WNT7B: variants seen among roughly 807,000 people sequenced by gnomAD.
WNT7B encodes the protein Wnt family member 7B.
A neutral mutation model predicts 38.2 loss-of-function variants in WNT7B; 19 were observed. The ratio of observed to expected loss-of-function variants is 0.50; its 90% CI spans 0.35 to 0.73. The LOEUF (loss-of-function observed/expected upper bound fraction) is 0.73. Ranked by LOEUF, WNT7B falls within the 30% of genes least tolerant of loss-of-function variation. The probability of loss-of-function intolerance (pLI) is 0.01; values close to 1 mark genes in which losing one functional copy is unlikely to be tolerated. For synonymous variants in WNT7B, 243 were observed against 209.3 expected (o/e 1.16, Z -1.39); for missense variants, 423 against 507.9 (o/e 0.83, Z 1.61).
At chr22:45,956,096 G>A (rs965867240) in intron 1 of WNT7B, among the ~76,000 whole-genome samples, 2 of 152,210 alleles carry the variant, frequency 1.3e-5, no homozygotes, top group Non-Finnish European at 2.9e-5. Flanking sequence ...AGCAGGAGTG[G>A]ACAGAAGGCA....
At chr22:45,970,363 G>A (rs918975996) in intron 1 of WNT7B, among the ~76,000 whole-genome samples, 3 of 152,236 alleles carry the variant, frequency 2.0e-5, no homozygotes, top group African/African-American at 7.2e-5. Flanking sequence ...GCCTGGCGGG[G>A]GTAGTCACTG....
chr22:45,927,910 G>C (rs555269512), intron 3 of WNT7B, among the ~76,000 whole-genome samples: 3 of 152,334 alleles, frequency 2.0e-5, no homozygotes, highest in East Asian at 3.9e-4. Flanking sequence ...CAAAGAGATG[G>C]AAGAGAAGAC....
chr22:45,954,730 C>T (rs933485774), intron 1 of WNT7B: 1 of 985,266 alleles, frequency 1.0e-6, no homozygotes, highest in Non-Finnish European at 1.2e-6. Flanking sequence ...GAAACAATTT[C>T]AAAATTGTCT....
intron 3 of WNT7B, among the ~76,000 whole-genome samples, chr22:45,924,967 G>T (rs1931036602): frequency 6.7e-6 from 1 of 149,532 alleles, no homozygotes; most frequent in Admixed American, 6.6e-5. Flanking sequence ...GTGCTGGGTG[G>T]GCCCTAGGCT....
At chr22:45,954,689 G>A (rs1569121087) in intron 1 of WNT7B, 2 of 985,362 alleles carry the variant, frequency 2.0e-6, no homozygotes, top group African/African-American at 3.5e-5. Context: ...TGTGCCAGGA[G>A]TATAAATAGT....
chr22:45,925,540 C>T, intron 3 of WNT7B: 1 of 985,258 alleles, frequency 1.0e-6, no homozygotes, highest in Admixed American at 6.1e-5. Context: ...CTGGGCGACC[C>T]CCAGAGAGTA....
At chr22:45,972,130 C>T in intron 1 of WNT7B, 1 of 604,872 alleles carries the variant, frequency 1.7e-6, no homozygotes, top group Non-Finnish European at 3.0e-6. Flanking sequence ...ACCCGCCCAC[C>T]CCGCACGCCG....
intron 3 of WNT7B, among the ~76,000 whole-genome samples, chr22:45,928,650 G>A (rs1013470711): frequency 1.2e-5 from 1 of 85,720 alleles, no homozygotes; most frequent in Non-Finnish European, 2.5e-5. Flanking sequence ...TTTCCCTTCT[G>A]CCTTTCCATC....
chr22:45,955,225 C>G (rs550831448), intron 1 of WNT7B, among the ~76,000 whole-genome samples: 1 of 152,222 alleles, frequency 6.6e-6, no homozygotes, highest in Non-Finnish European at 1.5e-5. Flanking sequence ...GCCGGCCTGG[C>G]CCTGCCACAC....
At chr22:45,923,550 G>A (rs1471508185) in intron 3 of WNT7B, among the ~76,000 whole-genome samples, 2 of 152,206 alleles carry the variant, frequency 1.3e-5, no homozygotes, top group Non-Finnish European at 2.9e-5. Flanking sequence ...GGTTGTGAGG[G>A]TACAGTGAGA....
chr22:45,960,994 C>T (rs576895474), intron 1 of WNT7B, among the ~76,000 whole-genome samples: 22 of 152,128 alleles, frequency 1.4e-4, no homozygotes, highest in Non-Finnish European at 2.4e-4. Context: ...TTCAGCAGAC[C>T]CCATGAGCCA....
chr22:45,929,931 CCCACTCATCCTTCCATCCAT>C (rs992377985), intron 3 of WNT7B, among the ~76,000 whole-genome samples: 13 of 97,464 alleles, frequency 1.3e-4, no homozygotes, highest in Non-Finnish European at 1.9e-4. Context: ...CTCCCATCCA[CCCACTCATCCTTCCATCCAT>C]CCACTCATAC....
chr22:45,929,484 A>C (rs893953944), intron 3 of WNT7B, among the ~76,000 whole-genome samples: 1 of 62,844 alleles, frequency 1.6e-5, no homozygotes, highest in Non-Finnish European at 3.0e-5. Context: ...TTCCATCTGT[A>C]CATCCACCCA....
chr22:45,939,612 G>A (rs1931592463), intron 2 of WNT7B, among the ~76,000 whole-genome samples: 1 of 143,740 alleles, frequency 7.0e-6, no homozygotes, highest in Admixed American at 6.9e-5. Flanking sequence ...TGGGCAACAT[G>A]GCAAAACCCT....
At position 45,951,604 on chromosome 22, in the gene WNT7B, C is replaced by T. The variant is rs1017918742; in HGVS notation, c.72-1458G>A. ...TGCTTTCTGTTCCCATGGATTTGCC[C>T]ATTCTGGATGTTTCCTATGGATGGA... On this transcript the variant is annotated intron_variant, in intron 1 of 3. Transcript: ENST00000339464. This position sits in a 1 kb window ranked among gnomAD's most constrained non-coding sequence, Gnocchi z 4.8. Among the ~76,000 whole-genome samples, 3 of 152,192 alleles carry T rather than the reference C, an allele frequency of 2.0e-5. No homozygotes were observed. Among genetic ancestry groups the T allele is most frequent in the African/African-American group, 7.2e-5 (3 of 41,428 alleles).
In WNT7B at chr22:45,966,401, G is replaced by T. The variant is rs1228450278; in HGVS notation, c.71+10283C>A. On this transcript the variant is annotated intron_variant, in intron 1 of 3. Transcript: ENST00000339464. The surrounding 1 kb of genome is among the most constrained non-coding windows in gnomAD (Gnocchi z 4.2). ...GAGACACCACCAGTCCTTGTGCCCG[G>T]GCTCCCTCCGGCCTGGCCCATTCAG... is the stretch of plus-strand genomic sequence containing the variant. Among the ~76,000 whole-genome samples the T allele has an allele frequency of 3.3e-5, 5 of 152,206 alleles. No homozygotes were observed.
chr22:45,942,685 G>A (rs1471449173), intron 2 of WNT7B, among the ~76,000 whole-genome samples: 2 of 152,244 alleles, frequency 1.3e-5, no homozygotes, highest in Non-Finnish European at 2.9e-5. Flanking sequence ...ATAGCAGCAC[G>A]CACCTCATGG....
intron 2 of WNT7B, among the ~76,000 whole-genome samples, chr22:45,937,458 A>G (rs995769770): frequency 6.6e-6 from 1 of 152,238 alleles, no homozygotes; most frequent in East Asian, 1.9e-4. Context: ...GGGCACACAC[A>G]GTCCTGGGGG....
At chr22:45,934,142 G>A (rs1931451872) in intron 2 of WNT7B, among the ~76,000 whole-genome samples, 1 of 152,246 alleles carries the variant, frequency 6.6e-6, no homozygotes, top group South Asian at 2.1e-4. Context: ...GGAAGCAGAG[G>A]CACAGAGAGT....
Sources: gnomAD v4.1 joint callset for allele counts (sites outside exome capture counted in the v4.1 genomes callset) on GRCh38, gnomAD v4.1.1 for gene constraint, Gnocchi (gnomAD v3.1) non-coding constraint, MANE v1.5 for transcripts, NCBI Gene and HGNC (gene_info 2026-07-23, HGNC 2026-07-21) for gene names.